The following EPHA6 variants were observed in gnomAD, a reference collection of about 807,000 sequenced individuals.
EPHA6 encodes the protein EPH receptor A6.
EPHA6 carries 50 observed loss-of-function variants against 112.0 expected under a neutral mutation model. The ratio of observed to expected loss-of-function variants is 0.45; its 90% CI spans 0.36 to 0.56. The LOEUF (loss-of-function observed/expected upper bound fraction) is 0.56. Among genes scored for constraint, EPHA6 ranks in the 20% least tolerant of loss-of-function variants. EPHA6 has a pLI of 0.00. For missense variants in EPHA6, 1,280 were observed against 1,417.4 expected (o/e 0.90, Z 1.56); for synonymous variants, 529 against 490.7 (o/e 1.08, Z -1.03).
chr3:97,167,821 A>G (rs958979018), intron 3 of EPHA6, among the ~76,000 whole-genome samples: 5 of 151,952 alleles, frequency 3.3e-5, no homozygotes, highest in African/African-American at 1.2e-4. Flanking sequence ...TTCAAAACTA[A>G]TATTTGGAAT....
chr3:97,335,754 T>C (rs1465631895), intron 5 of EPHA6, among the ~76,000 whole-genome samples: 3 of 152,140 alleles, frequency 2.0e-5, no homozygotes, highest in Non-Finnish European at 4.4e-5. Context: ...GAAAGAGTCA[T>C]TATGCAGAGC....
intron 14 of EPHA6, among the ~76,000 whole-genome samples, chr3:97,684,417 A>C (rs2032097098): frequency 6.6e-6 from 1 of 152,192 alleles, no homozygotes; most frequent in Admixed American, 6.6e-5. Flanking sequence ...ACAACTGGCT[A>C]AATTTGCTGA....
At chr3:97,248,009 T>G (rs1343255586) in intron 5 of EPHA6, among the ~76,000 whole-genome samples, 10 of 152,028 alleles carry the variant, frequency 6.6e-5, no homozygotes, top group Admixed American at 5.9e-4. Flanking sequence ...GTATATATTT[T>G]TTCTCATATT....
chr3:97,235,407 A>C (rs2078650580), intron 4 of EPHA6, among the ~76,000 whole-genome samples: 1 of 151,952 alleles, frequency 6.6e-6, no homozygotes, highest in Admixed American at 6.6e-5. Context: ...CCACCCATCT[A>C]AGCCATGAAG....
chr3:97,018,251 A>G (rs982676823), intron 3 of EPHA6, among the ~76,000 whole-genome samples: 8 of 151,678 alleles, frequency 5.3e-5, no homozygotes, highest in Non-Finnish European at 1.0e-4. Flanking sequence ...TTACCGCTTT[A>G]TGTGTAGGGA....
intron 3 of EPHA6, among the ~76,000 whole-genome samples, chr3:97,001,044 G>A (rs186723132): frequency 0.012 from 1,224 of 99,772 alleles, 12 homozygotes; most frequent in African/African-American, 0.053. Flanking sequence ...ATGTGTGTTC[G>A]TATATATGTG....
intron 14 of EPHA6, among the ~76,000 whole-genome samples, chr3:97,641,379 C>T (rs1262727391): frequency 2.0e-5 from 3 of 152,076 alleles, no homozygotes; most frequent in African/African-American, 7.2e-5. Context: ...TCAAGCAAAC[C>T]CTGTATAATA....
At chr3:97,743,452 A>T (rs2035590559) in intron 16 of EPHA6, among the ~76,000 whole-genome samples, 1 of 152,176 alleles carries the variant, frequency 6.6e-6, no homozygotes, top group South Asian at 2.1e-4. Flanking sequence ...AAAAAGAAAC[A>T]TGCTGTAAGA....
intron 16 of EPHA6, among the ~76,000 whole-genome samples, chr3:97,739,330 C>T (rs1452758006): frequency 6.6e-6 from 1 of 152,088 alleles, no homozygotes; most frequent in Non-Finnish European, 1.5e-5. Context: ...TGATATTACT[C>T]TCTCATCTGC....
intron 10 of EPHA6, among the ~76,000 whole-genome samples, chr3:97,522,702 G>T (rs2092562721): frequency 6.6e-6 from 1 of 152,026 alleles, no homozygotes; most frequent in Non-Finnish European, 1.5e-5. Context: ...AGATTTTTTA[G>T]TGTTGATTCA....
intron 3 of EPHA6, among the ~76,000 whole-genome samples, chr3:97,224,902 C>T (rs1288688350): frequency 6.6e-6 from 1 of 151,560 alleles, no homozygotes; most frequent in Non-Finnish European, 1.5e-5. Context: ...ATTTCAGGTC[C>T]AACTTGTTAA....
At chr3:97,097,066 G>C (rs1297566659) in intron 3 of EPHA6, among the ~76,000 whole-genome samples, 1 of 151,438 alleles carries the variant, frequency 6.6e-6, no homozygotes, top group Non-Finnish European at 1.5e-5. Flanking sequence ...TATCATTAAA[G>C]CAGTAATATT....
chr3:96,909,008 T>C (rs2039078632), intron 2 of EPHA6, among the ~76,000 whole-genome samples: 1 of 152,002 alleles, frequency 6.6e-6, no homozygotes, highest in African/African-American at 2.4e-5. Context: ...TTGCTTTATA[T>C]TGATTCAATT....
intron 3 of EPHA6, among the ~76,000 whole-genome samples, chr3:97,100,544 A>G (rs2047374395): frequency 6.6e-6 from 1 of 151,950 alleles, no homozygotes; most frequent in Non-Finnish European, 1.5e-5. Flanking sequence ...GCTCTTTAGT[A>G]CTAAGACTGA....
In EPHA6 at chr3:97,408,692, G is replaced by A. The variant is rs75364848; in HGVS notation, c.1731+3418G>A. 8.2e-3 allele frequency among the ~76,000 whole-genome samples: 1,251 copies of A among 151,988 alleles called. 14 individuals carry two copies. The highest frequency in any genetic ancestry group is 0.027 in the African/African-American group (1,115 of 41,474). On this transcript the variant is annotated intron_variant, in intron 6 of 17. Transcript: ENST00000389672. ...TCACTGTGTCCTCACATGGCAGAAG[G>A]GTATGGGAGTTCTCTGGGGTCTCTT...
intron 16 of EPHA6, among the ~76,000 whole-genome samples, chr3:97,736,452 AGAG>A: frequency 3.0e-5 from 1 of 33,360 alleles, no homozygotes; most frequent in Non-Finnish European, 9.8e-5. Flanking sequence ...AGAAGTAGAG[AGAG>A]AGAGAGAGAG....
intron 2 of EPHA6, among the ~76,000 whole-genome samples, chr3:96,908,549 A>G (rs1468123260): frequency 2.6e-5 from 4 of 151,590 alleles, no homozygotes; most frequent in Admixed American, 6.6e-5. Flanking sequence ...GTAAACTTAT[A>G]TGTTTTCATA....
intron 14 of EPHA6, among the ~76,000 whole-genome samples, chr3:97,654,913 T>C (rs1379345566): frequency 1.3e-5 from 2 of 151,496 alleles, no homozygotes; most frequent in African/African-American, 4.8e-5. Context: ...TCATTCTGGC[T>C]GTATATTGAG....
chr3:96,848,819 G>C (rs1334031011), intron 1 of EPHA6, among the ~76,000 whole-genome samples: 2 of 151,874 alleles, frequency 1.3e-5, no homozygotes, highest in African/African-American at 2.4e-5. Context: ...TTATTCTTAG[G>C]TCATCTGAAT....
Sources: allele counts gnomAD v4.1 joint callset (sites outside exome capture counted in the v4.1 genomes callset), GRCh38; gene constraint gnomAD v4.1.1; transcripts MANE v1.5; gene names NCBI Gene and HGNC (gene_info 2026-07-23, HGNC 2026-07-21).